PTP4A2: variants seen among roughly 807,000 people sequenced by gnomAD.
PTP4A2 encodes protein tyrosine phosphatase 4A2, also known as protein tyrosine phosphatase type IVA 2.
Under a neutral mutation model 22.9 loss-of-function variants are expected in PTP4A2, and 2 were observed. That is an observed-to-expected ratio of 0.09 (90% CI 0.04 to 0.27). The LOEUF is 0.27. Among genes scored for constraint, PTP4A2 ranks in the 10% least tolerant of loss-of-function variants. The pLI, the probability that PTP4A2 is intolerant of heterozygous loss-of-function variation, is 1.00. For missense variants in PTP4A2, 103 were observed against 205.1 expected, an observed-to-expected ratio of 0.50 and a Z score of 3.04; for synonymous variants, 68 against 69.1, an observed-to-expected ratio of 0.98 and a Z score of 0.08.
intron 2 of PTP4A2, among the ~76,000 whole-genome samples, chr1:31,916,855 A>G (rs1166636508): frequency 6.6e-6 from 1 of 152,230 alleles, no homozygotes; most frequent in Non-Finnish European, 1.5e-5. Flanking sequence ...AAAAACATCT[A>G]GAAGCCAGTT....
chr1:31,931,413 A>G (rs1287480174), intron 1 of PTP4A2, among the ~76,000 whole-genome samples: 1 of 152,184 alleles, frequency 6.6e-6, no homozygotes, highest in Non-Finnish European at 1.5e-5. Flanking sequence ...ATGCAATAAA[A>G]GCTCTTAGGA....
intron 1 of PTP4A2, among the ~76,000 whole-genome samples, chr1:31,922,558 A>G (rs1652208713): frequency 6.6e-6 from 1 of 151,924 alleles, no homozygotes. Context: ...GCTAACTGGT[A>G]GCAGCTTAAG....
In PTP4A2 at chr1:31,910,130, TATGTAAGTATCC is replaced by T; in HGVS notation, c.321-30_321-19del. ...CAGGTGCCCTGCAGAAAGAAACCTG[TATGTAAGTATCC>T]ATAAGTCTTGGAGTGAAAGGATTTT... On this transcript the variant is annotated intron_variant, in intron 4 of 5. Transcript: ENST00000647444. The T allele has an allele frequency of 2.5e-6, 4 of 1,594,570 alleles. No homozygotes were observed. The highest frequency in any genetic ancestry group is 1.7e-6 in the Non-Finnish European group (2 of 1,163,568).
Position 31,929,536 on chromosome 1 carries a change from T to G in PTP4A2, c.-594+8451A>C, listed in dbSNP as rs368700165. 7.2e-5 allele frequency among the ~76,000 whole-genome samples: 11 copies of G among 152,336 alleles called. No individual in the cohort carries two copies. The East Asian group carries it at 2.1e-3, about 29-fold the overall frequency. ...TTTATTATAAAGTTTAAGCACATTC[T>G]TTTCCTAAATAACTTTGGTAACCTT... On this transcript the variant is annotated intron_variant, in intron 1 of 5. Coordinates refer to ENST00000647444, the MANE Select transcript of PTP4A2 (RefSeq NM_080391.4).
rs13376517 is a variant in PTP4A2, at chr1:31,916,124, A to C, written c.97-137T>G. ...ACTTTGGGAGGCCTGAGGCGGGCAT[A>C]TCACAAGGTAAGGAGTTCGAGACCA... On this transcript the variant is annotated intron_variant, in intron 2 of 5. Coordinates refer to ENST00000647444, the MANE Select transcript of PTP4A2 (RefSeq NM_080391.4). 5 of 552,966 alleles carry C rather than the reference A, an allele frequency of 9.0e-6. No homozygotes were observed. In the East Asian group the frequency reaches 1.6e-4, roughly 18 times the overall value. The allele number at this position is 552,966 out of a possible 1,614,324, so 34.3% of individuals were successfully genotyped here.
rs1465183749 is a variant in PTP4A2 at position 31,907,589 on chromosome 1, A to C, written c.*1263T>G. ...GATTTTTTTTTTTTAATCTCAAAAAACCTAGTAATAACAAGGCAATCAGTG... is the reference window on the plus strand; with the variant it reads ...GATTTTTTTTTTTTAATCTCAAAAACCCTAGTAATAACAAGGCAATCAGTG... On this transcript the variant is annotated 3_prime_UTR_variant, in exon 6 of 6. Transcript: ENST00000647444. The C allele has an allele frequency of 1.3e-5, 2 of 151,896 alleles. No homozygotes were observed. Among genetic ancestry groups the C allele is most frequent in the Admixed American group, 1.3e-4 (2 of 15,230 alleles). 9.4% of individuals were successfully genotyped at this position (151,896 alleles called of 1,614,324 possible).
intron 3 of PTP4A2, chr1:31,912,986 T>C (rs1301752390): frequency 2.2e-6 from 1 of 453,440 alleles, no homozygotes; most frequent in Non-Finnish European, 4.4e-6. Flanking sequence ...AGTACCTTAG[T>C]CAAGAGCTTA....
intron 1 of PTP4A2, among the ~76,000 whole-genome samples, chr1:31,922,433 A>G (rs538982879): frequency 3.9e-5 from 6 of 152,320 alleles, no homozygotes; most frequent in African/African-American, 1.4e-4. Flanking sequence ...CAGGGAGCCA[A>G]GATTGTGCCA....
intron 1 of PTP4A2, chr1:31,921,743 G>A (rs1467868105): frequency 2.6e-5 from 4 of 152,122 alleles, no homozygotes; most frequent in East Asian, 1.9e-4. Flanking sequence ...TAATGACTAC[G>A]GAACCATTTT....
intron 1 of PTP4A2, among the ~76,000 whole-genome samples, chr1:31,925,164 G>A (rs975070053): frequency 1.3e-5 from 2 of 152,076 alleles, no homozygotes; most frequent in Non-Finnish European, 2.9e-5. Flanking sequence ...TCAACAGCAC[G>A]ATTTACTACA....
intron 1 of PTP4A2, among the ~76,000 whole-genome samples, chr1:31,928,706 A>C (rs1327004962): frequency 6.6e-6 from 1 of 151,744 alleles, no homozygotes; most frequent in Non-Finnish European, 1.5e-5. Flanking sequence ...CAAAAAAAAA[A>C]AAAAAAAAAA....
At chr1:31,929,047 G>T (rs1297292256) in intron 1 of PTP4A2, among the ~76,000 whole-genome samples, 1 of 152,136 alleles carries the variant, frequency 6.6e-6, no homozygotes, top group Non-Finnish European at 1.5e-5. Context: ...ATTAACGGTT[G>T]TCCTTTTCTA....
At chr1:31,915,355 G>GT (rs1288881986) in intron 3 of PTP4A2, among the ~76,000 whole-genome samples, 1 of 151,636 alleles carries the variant, frequency 6.6e-6, no homozygotes, top group Middle Eastern at 3.2e-3. Context: ...TACTGCCAGG[G>GT]TTTTTTTGTT....
intron 1 of PTP4A2, chr1:31,935,721 T>G (rs555253727): frequency 6.6e-6 from 1 of 152,332 alleles, no homozygotes; most frequent in African/African-American, 2.4e-5. Context: ...CCACCTTTCT[T>G]GTAGTTGTGA....
At position 31,910,145 on chromosome 1, in the gene PTP4A2, A is replaced by G. The variant is rs12094379; in HGVS notation, c.321-33T>C. The G allele has an allele frequency of 3.8e-4, 599 of 1,559,732 alleles. 2 individuals are homozygous for G. In the African/African-American group the frequency reaches 7.0e-3, roughly 18 times the overall value. Reference sequence around the variant, plus strand: ...AAGAAACCTGTATGTAAGTATCCATAAGTCTTGGAGTGAAAGGATTTTTAA... The same window carrying G: ...AAGAAACCTGTATGTAAGTATCCATGAGTCTTGGAGTGAAAGGATTTTTAA... On this transcript the variant is annotated intron_variant, in intron 4 of 5. Coordinates refer to ENST00000647444, the MANE Select transcript of PTP4A2 (RefSeq NM_080391.4).
chr1:31,914,773 T>C (rs1651737299), intron 3 of PTP4A2, among the ~76,000 whole-genome samples: 1 of 152,226 alleles, frequency 6.6e-6, no homozygotes, highest in Admixed American at 6.5e-5. Context: ...ACTAATCTGA[T>C]GCTCCCATTT....
chr1:31,928,428 G>A (rs770552570), intron 1 of PTP4A2, among the ~76,000 whole-genome samples: 12 of 151,466 alleles, frequency 7.9e-5, no homozygotes, highest in Non-Finnish European at 1.2e-4. Flanking sequence ...GGCCGGGCGC[G>A]ATGGCTTACG....
chr1:31,922,137 C>T (rs1217631038), intron 1 of PTP4A2, among the ~76,000 whole-genome samples: 1 of 152,160 alleles, frequency 6.6e-6, no homozygotes, highest in Non-Finnish European at 1.5e-5. Flanking sequence ...ACTCCTTGTA[C>T]AGTCAAGAAA....
rs1557858884 is a variant in PTP4A2 at position 31,908,140 on chromosome 1, T to TA, written c.*711_*712insT. ...TATATATATATATATATATATTATA[T>TA]TATATATATATATATATATATATAT... On this transcript the variant is annotated 3_prime_UTR_variant, in exon 6 of 6. Transcript: ENST00000647444. 0.026 allele frequency: 11 copies of TA among 422 alleles called. 3 individuals are homozygous for TA. The highest frequency in any genetic ancestry group is 0.036 in the Non-Finnish European group (8 of 220). The allele number at this position is 422 out of a possible 1,614,324, so 0.0% of individuals were successfully genotyped here.
Sources: gnomAD v4.1 joint callset for allele counts (sites outside exome capture counted in the v4.1 genomes callset) on GRCh38, gnomAD v4.1.1 for gene constraint, MANE v1.5 for transcripts, NCBI Gene and HGNC (gene_info 2026-07-23, HGNC 2026-07-21) for gene names.